KCNAB1: variants seen among roughly 807,000 people sequenced by gnomAD.
KCNAB1 encodes voltage-gated potassium channel subunit beta-1.
KCNAB1 carries 35 observed loss-of-function variants against 64.6 expected under a neutral mutation model. That is an observed-to-expected ratio of 0.54 (90% CI 0.41 to 0.72). KCNAB1 has a LOEUF of 0.72. KCNAB1 is among the 30% of genes least tolerant of loss of function. The pLI is 0.00. For synonymous variants in KCNAB1, 177 were observed against 183.8 expected (o/e 0.96, Z 0.30); for missense variants, 401 against 512.9 (o/e 0.78, Z 2.11).
chr3:156,452,099 C>A lies in KCNAB1; in HGVS notation c.320-800C>A, dbSNP rs1277752525. Among the ~76,000 whole-genome samples the A allele has an allele frequency of 1.3e-5, 2 of 152,198 alleles. No individual in the cohort carries two copies. The highest frequency in any genetic ancestry group is 6.5e-5 in the Admixed American group (1 of 15,280). On this transcript the variant is annotated intron_variant, in intron 2 of 13. Transcript: ENST00000490337. The surrounding 1 kb of genome is among the most constrained non-coding windows in gnomAD (Gnocchi z 4.6). ...CATGTAATTAGGAATCAAAAGAATT[C>A]ATTCCCTCCTTTAGGAAGGGAAAGG...
intron 8 of KCNAB1, among the ~76,000 whole-genome samples, chr3:156,482,574 G>C (rs1714905225): frequency 6.6e-6 from 1 of 151,992 alleles, no homozygotes; most frequent in South Asian, 2.1e-4. Context: ...TTGGAAAATA[G>C]CTTGGACTCC....
chr3:156,234,559 G>A (rs576320878), intron 1 of KCNAB1, among the ~76,000 whole-genome samples: 8 of 152,096 alleles, frequency 5.3e-5, no homozygotes, highest in South Asian at 2.1e-4. Flanking sequence ...TGAGGTCAAC[G>A]CTGGGAGTGG....
rs59772816 is a variant in KCNAB1 at position 156,428,533 on chromosome 3, A to ACACACACACACACACACACC, written c.319+6875_319+6876insACACACACACACACACACCC. Among the ~76,000 whole-genome samples, 285 of 143,096 alleles carry ACACACACACACACACACACC rather than the reference A, an allele frequency of 2.0e-3. 3 individuals are homozygous for ACACACACACACACACACACC. The highest frequency in any genetic ancestry group is 5.8e-3 in the African/African-American group (221 of 37,910). The allele number at this position is 143,096 out of a possible 152,430, so 93.9% of individuals were successfully genotyped here. The stretch of plus-strand genomic sequence containing the variant: ...CACACACACACACACACACACACAC[A>ACACACACACACACACACACC]CCCTATTGGTTCTGTTTCTCTGGAG... On this transcript the variant is annotated intron_variant, in intron 2 of 13. Coordinates refer to ENST00000490337, the MANE Select transcript of KCNAB1 (RefSeq NM_172160.3).
chr3:156,488,753 A>C (rs1715404205), intron 8 of KCNAB1, among the ~76,000 whole-genome samples: 1 of 152,092 alleles, frequency 6.6e-6, no homozygotes. Context: ...ATAGGGGCAA[A>C]TGTAGGAGCA....
At chr3:156,526,525 A>G (rs1024403983) in intron 12 of KCNAB1, among the ~76,000 whole-genome samples, 1 of 152,240 alleles carries the variant, frequency 6.6e-6, no homozygotes, top group African/African-American at 2.4e-5. Flanking sequence ...TTACACCTAG[A>G]GCAAGCACAT....
In KCNAB1 at chr3:156,355,751, A is replaced by G. The variant is rs1367201520; in HGVS notation, c.276-65865A>G. Among the ~76,000 whole-genome samples, 3 of 152,176 alleles carry G rather than the reference A, an allele frequency of 2.0e-5. No individual in the cohort carries two copies. In the East Asian group the frequency reaches 5.8e-4, roughly 29 times the overall value. The stretch of plus-strand genomic sequence containing the variant: ...GGACTCGATTTTGAATCTTCAGAGT[A>G]TCAGATATTGTTTTTCCTCCCATCC... On this transcript the variant is annotated intron_variant, in intron 1 of 13. Transcript: ENST00000490337.
chr3:156,398,590 C>G (rs866004174), intron 1 of KCNAB1, among the ~76,000 whole-genome samples: 1 of 76,854 alleles, frequency 1.3e-5, no homozygotes, highest in Non-Finnish European at 2.8e-5. Flanking sequence ...GACTCCGTCT[C>G]AAAAAAAAAA....
intron 2 of KCNAB1, among the ~76,000 whole-genome samples, chr3:156,448,093 C>A (rs1228843166): frequency 6.6e-6 from 1 of 152,122 alleles, no homozygotes; most frequent in Non-Finnish European, 1.5e-5. Flanking sequence ...TCCAAGGAAC[C>A]TAACACAGGT....
intron 8 of KCNAB1, among the ~76,000 whole-genome samples, chr3:156,488,519 C>T (rs1226459733): frequency 1.1e-4 from 17 of 152,014 alleles, no homozygotes; most frequent in Admixed American, 1.0e-3. Flanking sequence ...ATAGATGTGG[C>T]TGCAGCAGAG....
intron 1 of KCNAB1, among the ~76,000 whole-genome samples, chr3:156,358,504 C>T (rs1725404414): frequency 6.6e-6 from 1 of 152,204 alleles, no homozygotes; most frequent in Admixed American, 6.5e-5. Context: ...CCTCCCTCAT[C>T]TTGCCTCCCA....
In KCNAB1 at chr3:156,295,610, G is replaced by A. The variant is rs73876142; in HGVS notation, c.276-126006G>A. On this transcript the variant is annotated intron_variant, in intron 1 of 13. Transcript: ENST00000490337. ...AAAAAAAATCTACTAGAACATTCTG[G>A]CATTCCAAAGCTACTGTCAGCCCAA... Among the ~76,000 whole-genome samples the A allele has an allele frequency of 3.0e-3, 450 of 152,282 alleles. 3 individuals carry two copies. The highest frequency in any genetic ancestry group is 9.6e-3 in the African/African-American group (401 of 41,556).
chr3:156,457,315 C>CT (rs200015858), intron 3 of KCNAB1, 138 bp from the exon 4 acceptor site: 12 of 1,409,498 alleles, frequency 8.5e-6, no homozygotes, highest in African/African-American at 1.8e-5. Context: ...TCTTTCTTTC[C>CT]CTCTCCACTA....
intron 1 of KCNAB1, among the ~76,000 whole-genome samples, chr3:156,131,808 G>T (rs575534545): frequency 6.6e-6 from 1 of 152,330 alleles, no homozygotes; most frequent in Non-Finnish European, 1.5e-5. Flanking sequence ...GGTCCAGTCA[G>T]GTGGGACTTG....
At chr3:156,273,017 C>T (rs1719122507) in intron 1 of KCNAB1, among the ~76,000 whole-genome samples, 1 of 152,068 alleles carries the variant, frequency 6.6e-6, no homozygotes, top group South Asian at 2.1e-4. Flanking sequence ...GAAGCTAGGT[C>T]CCGGAAAGGG....
chr3:156,484,378 A>G (rs1715050439), intron 8 of KCNAB1, among the ~76,000 whole-genome samples: 1 of 152,022 alleles, frequency 6.6e-6, no homozygotes, highest in Admixed American at 6.6e-5. Flanking sequence ...AAAGAGAGAG[A>G]GAGAGGGAGA....
intron 1 of KCNAB1, among the ~76,000 whole-genome samples, chr3:156,167,294 G>A (rs1577663459): frequency 6.6e-6 from 1 of 152,276 alleles, no homozygotes; most frequent in East Asian, 1.9e-4. Context: ...TTTTGCAAGG[G>A]CTGAAGGAGT....
chr3:156,373,436 G>A (rs929486099), intron 1 of KCNAB1, among the ~76,000 whole-genome samples: 1 of 152,310 alleles, frequency 6.6e-6, no homozygotes, highest in South Asian at 2.1e-4. Flanking sequence ...CAGAAGTGAA[G>A]AGTCAAGGCC....
intron 8 of KCNAB1, among the ~76,000 whole-genome samples, chr3:156,499,477 T>C (rs1326967671): frequency 6.6e-6 from 1 of 152,234 alleles, no homozygotes; most frequent in African/African-American, 2.4e-5. Flanking sequence ...TATTGTCATC[T>C]TTTAATTTCA....
chr3:156,413,259 T>C (rs73019943), intron 1 of KCNAB1, among the ~76,000 whole-genome samples: 4,026 of 152,252 alleles, frequency 0.026, 174 homozygotes, highest in African/African-American at 0.091. Context: ...CTAACACCTA[T>C]GCTGGTTAAA....
Sources: gnomAD v4.1 joint callset for allele counts (sites outside exome capture counted in the v4.1 genomes callset) on GRCh38, gnomAD v4.1.1 for gene constraint, Gnocchi (gnomAD v3.1) non-coding constraint, MANE v1.5 for transcripts, NCBI Gene and HGNC (gene_info 2026-07-23, HGNC 2026-07-21) for gene names.